The following OSMR variants were observed in gnomAD, a reference collection of about 807,000 sequenced individuals.
The protein encoded by OSMR is oncostatin M receptor.
Under a neutral mutation model 99.9 loss-of-function variants are expected in OSMR, and 81 were observed. The ratio of observed to expected loss-of-function variants is 0.81; its 90% confidence interval spans 0.68 to 0.97. The LOEUF (loss-of-function observed/expected upper bound fraction) is 0.97, where lower values mean the gene tolerates loss of function less well. OSMR is among the 50% of genes least tolerant of loss of function. The probability of loss-of-function intolerance (pLI) is 0.00; values close to 1 mark genes in which losing one functional copy is unlikely to be tolerated. For synonymous variants in OSMR, 406 were observed against 410.4 expected (o/e 0.99, Z 0.13); for missense variants, 1,099 against 1,153.4 (o/e 0.95, Z 0.68).
intron 15 of OSMR, among the ~76,000 whole-genome samples, chr5:38,926,876 C>G (rs1579808186): frequency 6.6e-6 from 1 of 152,150 alleles, no homozygotes; most frequent in East Asian, 1.9e-4. Context: ...GCCTATGAGC[C>G]TGTAAAATTT....
exon 3 of OSMR, chr5:38,945,024 G>A: frequency 6.2e-7 from 1 of 1,611,422 alleles, no homozygotes; most frequent in East Asian, 2.2e-5. Flanking sequence ...AAAGGATTAT[G>A]GATAGTCTGC....
intron 9 of OSMR, among the ~76,000 whole-genome samples, chr5:38,916,166 C>T (rs1745884871): frequency 6.6e-6 from 1 of 152,120 alleles, no homozygotes. Flanking sequence ...CTTAATAGGA[C>T]TTTCATAATA....
intron 16 of OSMR, 119 bp downstream of exon 16, chr5:38,932,083 C>A: frequency 1.2e-6 from 1 of 847,220 alleles, no homozygotes; most frequent in Non-Finnish European, 2.0e-6. Flanking sequence ...AGGAAAAGAA[C>A]AAAGGAGGCT....
Position 38,904,060 on chromosome 5 carries a change from TC to T in OSMR, c.1134+37del, listed in dbSNP as rs761228542. 13 of 1,609,804 alleles carry T rather than the reference TC, an allele frequency of 8.1e-6. No individual in the cohort carries two copies. In the African/African-American group the frequency reaches 1.2e-4, roughly 15 times the overall value. ...TGCTTAATTTTCTATTTTCAAAAAT[TC>T]TTTTTTTGTCCTGAACAGAGACACT... On this transcript the variant is annotated intron_variant, in intron 8 of 17. Transcript: ENST00000274276.
chr5:38,937,381 A>G, downstream of OSMR, among the ~76,000 whole-genome samples: 1 of 152,238 alleles, frequency 6.6e-6, no homozygotes, highest in Non-Finnish European at 1.5e-5. The surrounding 1 kb of genome is among the most constrained non-coding windows in gnomAD (Gnocchi z 4.0). Context: ...AGACATTGGG[A>G]AAAAATGATA....
At chr5:38,864,450 A>G (rs1741771181) in intron 1 of OSMR, among the ~76,000 whole-genome samples, 2 of 152,068 alleles carry the variant, frequency 1.3e-5, no homozygotes, top group Admixed American at 1.3e-4. Flanking sequence ...TAGAGGGGAT[A>G]AATTCCTTTA....
intron 9 of OSMR, among the ~76,000 whole-genome samples, chr5:38,912,570 A>C (rs1204105306): frequency 6.6e-6 from 1 of 152,218 alleles, no homozygotes; most frequent in Non-Finnish European, 1.5e-5. Context: ...ATAGAAAAAA[A>C]CTATTCAAAA....
At chr5:38,847,906 T>C (rs566043422) in intron 1 of OSMR, among the ~76,000 whole-genome samples, 18 of 152,310 alleles carry the variant, frequency 1.2e-4, no homozygotes, top group East Asian at 3.9e-4. Flanking sequence ...CCGAGCCGCA[T>C]TGGGGAGAAC....
chr5:38,869,021 A>G lies in OSMR; in HGVS notation c.-13-11A>G. ...AATAAAATTTTCCTTCTTATAATTT[A>G]TCTTTTTCAGAAAACCAGAACTGAT... On this transcript the variant is annotated splice_polypyrimidine_tract_variant and intron_variant, in intron 1 of 17. Transcript: ENST00000274276. The G allele has an allele frequency of 6.2e-7, 1 of 1,612,566 alleles. No individual in the cohort carries two copies. The highest frequency in any genetic ancestry group is 8.5e-7 in the Non-Finnish European group (1 of 1,179,080).
intron 3 of OSMR, among the ~76,000 whole-genome samples, chr5:38,881,034 A>G (rs1005772868): frequency 1.3e-5 from 2 of 152,180 alleles, no homozygotes; most frequent in Non-Finnish European, 2.9e-5. Context: ...ATCTGAAAGG[A>G]CAAGAGACAG....
intron 10 of OSMR, 177 bp from the exon 11 acceptor site, chr5:38,918,663 G>T (rs575393880): frequency 2.4e-6 from 2 of 849,628 alleles, no homozygotes; most frequent in East Asian, 2.4e-4. Flanking sequence ...CCTTCAGTTA[G>T]ATTTGAATGT....
At position 38,859,457 on chromosome 5, in the gene OSMR, T is replaced by C. The variant is rs147589949; in HGVS notation, c.-13-9575T>C. On this transcript the variant is annotated intron_variant, in intron 1 of 17. Transcript: ENST00000274276. ...TTCTCTAATCTCATAAATTGGTGTA[T>C]GTGTCTGTTTTTATACCAATATCAT... 1.4e-3 allele frequency among the ~76,000 whole-genome samples: 219 copies of C among 152,304 alleles called. 1 individual carries two copies. The highest frequency in any genetic ancestry group is 5.1e-3 in the African/African-American group (212 of 41,568).
intron 1 of OSMR, among the ~76,000 whole-genome samples, chr5:38,865,474 T>C (rs1741866470): frequency 6.6e-6 from 1 of 152,236 alleles, no homozygotes. Context: ...CTGGACACAG[T>C]AGCATAGTCT....
chr5:38,878,382 GGACACCTCTGTTCC>G (rs1273293545), intron 3 of OSMR, among the ~76,000 whole-genome samples: 2 of 151,972 alleles, frequency 1.3e-5, no homozygotes, highest in Non-Finnish European at 2.9e-5. Flanking sequence ...TCAATGTCTC[GGACACCTCTGTTCC>G]CAAACAAGTC....
chr5:38,925,369 A>C lies in OSMR; in HGVS notation c.2210A>C (p.His737Pro). 3 of 1,613,388 alleles carry C rather than the reference A, an allele frequency of 1.9e-6. No individual in the cohort carries two copies. Among genetic ancestry groups the C allele is most frequent in the Admixed American group, 3.3e-5 (2 of 60,022 alleles). The change falls in exon 15 of 18, where the codon CAC (histidine) becomes CCC (proline). Residue 737 changes from histidine (H) to proline (P), a missense_variant and splice_region_variant. By Grantham distance (77) the His-to-Pro change is moderately conservative (BLOSUM62 -2). Transcript: ENST00000274276. ...ACGAAGGTCACGACTCCGGATGAAC[A>C]CTGTGAGTTTTCCCAAATCAAAGTT... is the stretch of plus-strand genomic sequence containing the variant. ...TFTKVTTPDEHSSMLIHILLP... is the reference protein window; with the variant it reads ...TFTKVTTPDEPSSMLIHILLP...
At chr5:38,932,843 A>T in intron 17 of OSMR, 29 bp from the exon 18 acceptor site, 1 of 1,613,066 alleles carries the variant, frequency 6.2e-7, no homozygotes. Context: ...ACAAATGTCT[A>T]TATTTACATA....
In OSMR at chr5:38,933,144, C is replaced by T; in HGVS notation, c.2640C>T (p.Ala880=). ...SCGHVPVSPK[A]PSMLGLMTSP... ...GCCATGTTCCAGTATCCCCAAAAGCCCCAAGTATGCTGGGACTAATGACCT... is the reference window on the plus strand; with the variant it reads ...GCCATGTTCCAGTATCCCCAAAAGCTCCAAGTATGCTGGGACTAATGACCT... Residue 880 remains alanine (A), a synonymous_variant, in exon 18 of 18, where the codon GCC becomes GCT. Transcript: ENST00000274276. 6.2e-7 allele frequency: 1 copy of T among 1,614,132 alleles called. No individual in the cohort carries two copies. The highest frequency in any genetic ancestry group is 1.1e-5 in the South Asian group (1 of 91,074).
At chr5:38,909,636 T>TA (rs1389436718) in intron 9 of OSMR, among the ~76,000 whole-genome samples, 1 of 152,170 alleles carries the variant, frequency 6.6e-6, no homozygotes, top group African/African-American at 2.4e-5. Context: ...CTAAGCTTCA[T>TA]AAGTGAATGA....
At chr5:38,892,868 C>A (rs923446825) in intron 7 of OSMR, among the ~76,000 whole-genome samples, 2 of 151,756 alleles carry the variant, frequency 1.3e-5, no homozygotes, top group African/African-American at 4.8e-5. Flanking sequence ...GCCACCTTAC[C>A]CCCTACCCCT....
Sources: gnomAD v4.1 joint callset for allele counts (sites outside exome capture counted in the v4.1 genomes callset) on GRCh38, gnomAD v4.1.1 for gene constraint, Gnocchi (gnomAD v3.1) non-coding constraint, MANE v1.5 for transcripts, NCBI Gene and HGNC (gene_info 2026-07-23, HGNC 2026-07-21) for gene names.